The following TCOF1 variants were observed in gnomAD, a reference collection of about 807,000 sequenced individuals.
TCOF1 encodes the protein treacle protein.
A neutral mutation model predicts 149.0 loss-of-function variants in TCOF1; 33 were observed. The ratio of observed to expected loss-of-function variants is 0.22; its 90% CI spans 0.17 to 0.30. The LOEUF (loss-of-function observed/expected upper bound fraction) is 0.30. TCOF1 is among the 10% of genes least tolerant of loss of function. The pLI, the probability that TCOF1 is intolerant of heterozygous loss-of-function variation, is 1.00. For missense variants in TCOF1, 1,728 were observed against 1,840.7 expected (o/e 0.94, Z 1.12); for synonymous variants, 789 against 738.8 (o/e 1.07, Z -1.10).
At chr5:150,391,872 C>G in intron 20 of TCOF1, 85 bp from the exon 21 acceptor site, 1 of 1,375,086 alleles carries the variant, frequency 7.3e-7, no homozygotes, top group Non-Finnish European at 1.0e-6. Context: ...TAACACAGTT[C>G]CTGGCCCTAC....
At chr5:150,372,303 C>T (rs1200283463) in intron 7 of TCOF1, 67 bp downstream of exon 7, 2 of 1,385,378 alleles carry the variant, frequency 1.4e-6, no homozygotes, top group Non-Finnish European at 2.0e-6. Context: ...AGCACTCTGC[C>T]ATGAGCACCT....
intron 22 of TCOF1, 114 bp from the exon 23 acceptor site, chr5:150,393,258 G>T: frequency 6.1e-6 from 8 of 1,304,984 alleles, no homozygotes; most frequent in Non-Finnish European, 8.7e-6. Context: ...CACTGATAGG[G>T]CAGGGTGATC....
chr5:150,382,511 G>GC (rs1765439691), intron 17 of TCOF1, among the ~76,000 whole-genome samples: 1 of 152,204 alleles, frequency 6.6e-6, no homozygotes, highest in Non-Finnish European at 1.5e-5. Context: ...GAAAAGGGGG[G>GC]CCCCCATTCC....
At chr5:150,364,061 G>C in intron 2 of TCOF1, 52 bp from the exon 3 acceptor site, 1 of 1,613,366 alleles carries the variant, frequency 6.2e-7, no homozygotes, top group Non-Finnish European at 8.5e-7. Flanking sequence ...GTCAATTCTT[G>C]TGGAGTTGTT....
intron 5 of TCOF1, 101 bp from the exon 6 acceptor site, chr5:150,369,428 C>G: frequency 2.9e-6 from 4 of 1,397,628 alleles, no homozygotes; most frequent in Non-Finnish European, 4.1e-6. Flanking sequence ...GAGCGCTCAG[C>G]ACCTGGCTTT....
intron 13 of TCOF1, 31 bp from the exon 14 acceptor site, chr5:150,376,392 G>A: frequency 1.9e-6 from 3 of 1,614,200 alleles, no homozygotes; most frequent in Non-Finnish European, 2.5e-6. Flanking sequence ...TTGGACTCCT[G>A]GAGACACCTC....
chr5:150,369,411 G>A (rs775365202), intron 5 of TCOF1, 118 bp from the exon 6 acceptor site: 68 of 1,167,178 alleles, frequency 5.8e-5, no homozygotes, highest in Middle Eastern at 2.3e-4. Context: ...TGAGGCACAC[G>A]AGGGGTGAGC....
rs150645422 is a variant in TCOF1, at chr5:150,395,265, G to A, written c.3785-1017G>A. Among the ~76,000 whole-genome samples, 373 of 152,338 alleles carry A rather than the reference G, an allele frequency of 2.4e-3. 3 individuals are homozygous for A. The highest frequency in any genetic ancestry group is 4.0e-3 in the Non-Finnish European group (269 of 68,032). ...AGTGTGACATGGAGTATCCACCTGG[G>A]CCTTCCTCCAGGCAAACACCTCCAG... On this transcript the variant is annotated intron_variant, in intron 23 of 26. Transcript: ENST00000643257.
At position 150,375,739 on chromosome 5, in the gene TCOF1, A is replaced by G. The variant is rs35918007; in HGVS notation, c.1723A>G (p.Ile575Val). Residue 575 changes from isoleucine to valine, a missense_variant, in exon 12 of 27, where the codon ATC becomes GTC. Physicochemically the swap from Ile to Val is conservative, Grantham distance 29. Around this residue, in one of 2 missense-constraint regions of TCOF1, gnomAD observed 1,696 missense variants for 1,765.4 expected, o/e 0.96. Transcript: ENST00000643257. ...ACTCCAGGAAAAGTCCTTGGGGAAC[A>G]TCCTCCAGGCCAAACCCACCTCCAG... ...APAQEKSLGN[I>V]LQAKPTSSPA... 209 of 1,614,232 alleles carry G rather than the reference A, an allele frequency of 1.3e-4. No homozygotes were observed. In the African/African-American group the frequency reaches 2.5e-3, roughly 19 times the overall value.
intron 4 of TCOF1, 28 bp from the exon 5 acceptor site, chr5:150,368,688 A>C: frequency 6.2e-7 from 1 of 1,613,702 alleles, no homozygotes; most frequent in Non-Finnish European, 8.5e-7. Context: ...GCCATACCAG[A>C]TGTGTCTGTC....
chr5:150,392,429 A>G (rs1767635953), intron 21 of TCOF1: 2 of 609,528 alleles, frequency 3.3e-6, no homozygotes, highest in African/African-American at 1.8e-5. Context: ...CAAAAACTCC[A>G]GGGCCATGTT....
intron 6 of TCOF1, among the ~76,000 whole-genome samples, chr5:150,369,810 G>A (rs1762145112): frequency 6.6e-6 from 1 of 152,144 alleles, no homozygotes; most frequent in African/African-American, 2.4e-5. Context: ...AGCCCTGGGG[G>A]CAGGAGAGGG....
At chr5:150,383,184 C>G (rs1765592385) in intron 17 of TCOF1, 1 of 1,532,604 alleles carries the variant, frequency 6.5e-7, no homozygotes, top group Non-Finnish European at 8.7e-7. Context: ...TGCGCCATGC[C>G]TTCTCTCTGC....
At chr5:150,387,251 G>A (rs147043267) in intron 17 of TCOF1, among the ~76,000 whole-genome samples, 205 of 152,322 alleles carry the variant, frequency 1.3e-3, no homozygotes, top group Non-Finnish European at 2.3e-3. Context: ...GGCCACGTAC[G>A]GCATTGAGTT....
intron 17 of TCOF1, chr5:150,384,197 A>C (rs908531981): frequency 6.0e-6 from 6 of 1,007,554 alleles, no homozygotes; most frequent in African/African-American, 3.4e-5. Flanking sequence ...TAGGGTGCTC[A>C]CTGCCTCTCA....
At chr5:150,361,265 G>A in intron 2 of TCOF1, 54 bp downstream of exon 2, 1 of 1,604,268 alleles carries the variant, frequency 6.2e-7, no homozygotes. Flanking sequence ...AAGCAACTCA[G>A]CTTGGAATAA....
chr5:150,371,346 G>C (rs1444081598), intron 6 of TCOF1, among the ~76,000 whole-genome samples: 1 of 152,080 alleles, frequency 6.6e-6, no homozygotes, highest in Non-Finnish European at 1.5e-5. Context: ...GTCACCCCAG[G>C]CCTTGCCAAA....
chr5:150,390,946 T>C (rs977554509), intron 19 of TCOF1, among the ~76,000 whole-genome samples: 1 of 151,982 alleles, frequency 6.6e-6, no homozygotes, highest in African/African-American at 2.4e-5. Context: ...GAGGAAACAA[T>C]AAAAACTAGA....
intron 21 of TCOF1, 38 bp downstream of exon 21, chr5:150,392,214 A>T: frequency 1.9e-6 from 3 of 1,605,198 alleles, no homozygotes; most frequent in Non-Finnish European, 2.6e-6. Context: ...TGGGCCAGGA[A>T]GAGGGTGTTG....
Sources: allele counts gnomAD v4.1 joint callset (sites outside exome capture counted in the v4.1 genomes callset), GRCh38; gene constraint gnomAD v4.1.1; regional missense constraint gnomAD v4.1.1; transcripts MANE v1.5; gene names NCBI Gene and HGNC (gene_info 2026-07-23, HGNC 2026-07-21).